The following SNTG2 variants were observed in gnomAD, a reference collection of about 807,000 sequenced individuals.
SNTG2 encodes the protein syntrophin gamma 2.
SNTG2 carries 74 observed loss-of-function variants against 70.9 expected under a neutral mutation model. The observed-to-expected ratio is 1.04, with a 90% confidence interval of 0.86 to 1.27. The LOEUF (loss-of-function observed/expected upper bound fraction) is 1.27. Ranked by LOEUF, SNTG2 falls within the 50% of genes most tolerant of loss-of-function variation. The pLI, the probability that SNTG2 is intolerant of heterozygous loss-of-function variation, is 0.00. For synonymous variants in SNTG2, 278 were observed against 273.8 expected (o/e 1.02, Z -0.15); for missense variants, 717 against 690.7 (o/e 1.04, Z -0.43).
At chr2:1,302,818 A>AT (rs1377798046) in intron 14 of SNTG2, among the ~76,000 whole-genome samples, 1 of 152,202 alleles carries the variant, frequency 6.6e-6, no homozygotes, top group Non-Finnish European at 1.5e-5. Flanking sequence ...TGTAACCTTG[A>AT]TCAAAGGAAA....
chr2:1,011,442 G>A (rs1304971739), intron 1 of SNTG2, among the ~76,000 whole-genome samples: 1 of 152,196 alleles, frequency 6.6e-6, no homozygotes, highest in African/African-American at 2.4e-5. Context: ...AATTTATTAA[G>A]TACAAATGTG....
chr2:1,177,958 G>C (rs971098347), intron 8 of SNTG2, among the ~76,000 whole-genome samples: 2 of 152,080 alleles, frequency 1.3e-5, no homozygotes, highest in African/African-American at 4.8e-5. Context: ...GTTGGAATTT[G>C]GGACAATAAA....
chr2:1,358,198 C>G (rs760728833), intron 16 of SNTG2, among the ~76,000 whole-genome samples: 4 of 152,096 alleles, frequency 2.6e-5, no homozygotes, highest in Non-Finnish European at 5.9e-5. Context: ...AGGTCTTACT[C>G]CAAGTATGAT....
intron 7 of SNTG2, among the ~76,000 whole-genome samples, chr2:1,169,593 G>T (rs1462905661): frequency 6.6e-6 from 1 of 152,140 alleles, no homozygotes; most frequent in African/African-American, 2.4e-5. Context: ...GAGCCTGTGG[G>T]GCCGGAGGCT....
intron 7 of SNTG2, among the ~76,000 whole-genome samples, chr2:1,169,156 C>G (rs28733081): frequency 6.6e-6 from 1 of 151,762 alleles, no homozygotes; most frequent in Non-Finnish European, 1.5e-5. Context: ...ACCATACAGG[C>G]TCACGAAGGA....
intron 1 of SNTG2, among the ~76,000 whole-genome samples, chr2:1,031,526 A>ATTTTTT (rs1660820699): frequency 1.1e-4 from 6 of 54,162 alleles, no homozygotes; most frequent in Non-Finnish European, 1.3e-4. Flanking sequence ...ATATATATAT[A>ATTTTTT]TATTTTTTTT....
chr2:1,358,379 T>C (rs1660963643), intron 16 of SNTG2, among the ~76,000 whole-genome samples: 1 of 73,300 alleles, frequency 1.4e-5, no homozygotes, highest in Non-Finnish European at 2.8e-5. Flanking sequence ...CTCCAATCTT[T>C]ATTTTTTTTT....
At position 1,222,127 on chromosome 2, in the gene SNTG2, C is replaced by CTCTGTCTCTGTCTCTCTCTGTCTCTCTG. The variant is rs1345883336; in HGVS notation, c.719+12900_719+12901insGTCTCTGTCTCTCTCTGTCTCTCTGTCT. On this transcript the variant is annotated intron_variant, in intron 9 of 16. Transcript: ENST00000308624. The stretch of plus-strand genomic sequence containing the variant: ...TCTGTCTCTCTCTGTCTCTCTCTGT[C>CTCTGTCTCTGTCTCTCTCTGTCTCTCTG]TCTCTCTGTCTCTCTCTGTCTCTGC... Among the ~76,000 whole-genome samples the CTCTGTCTCTGTCTCTCTCTGTCTCTCTG allele has an allele frequency of 6.9e-5, 8 of 115,410 alleles. 1 individual carries two copies. The East Asian group carries it at 2.0e-3, about 29-fold the overall frequency. The allele number at this position is 115,410 out of a possible 152,430, so 75.7% of individuals were successfully genotyped here.
intron 6 of SNTG2, among the ~76,000 whole-genome samples, chr2:1,150,190 G>A (rs1027971174): frequency 3.9e-5 from 6 of 152,166 alleles, no homozygotes; most frequent in African/African-American, 1.4e-4. Context: ...ATCCCTGGTG[G>A]AGGTCTGTGT....
intron 8 of SNTG2, among the ~76,000 whole-genome samples, chr2:1,190,188 G>T (rs546508596): frequency 5.7e-4 from 86 of 151,964 alleles, no homozygotes; most frequent in African/African-American, 1.6e-3. Context: ...ACAGGGGATT[G>T]GTTCTAGGAC....
intron 15 of SNTG2, among the ~76,000 whole-genome samples, chr2:1,311,926 G>A (rs763186179): frequency 3.3e-5 from 5 of 152,128 alleles, no homozygotes; most frequent in Non-Finnish European, 7.4e-5. Flanking sequence ...ACTCTTGCAA[G>A]GAAAGAGGTT....
chr2:1,064,187 G>A (rs1310349713), intron 1 of SNTG2, among the ~76,000 whole-genome samples: 2 of 145,858 alleles, frequency 1.4e-5, no homozygotes, highest in Non-Finnish European at 3.1e-5. Context: ...ATCTGTGAAA[G>A]TATTCTTCAA....
chr2:969,190 AT>A (rs1484049895), intron 1 of SNTG2, among the ~76,000 whole-genome samples: 3 of 151,846 alleles, frequency 2.0e-5, no homozygotes, highest in African/African-American at 7.3e-5. Flanking sequence ...GTGTGGCTTT[AT>A]TTCTGGGCTT....
intron 6 of SNTG2, among the ~76,000 whole-genome samples, chr2:1,152,864 C>T (rs998864436): frequency 7.9e-5 from 12 of 152,216 alleles, no homozygotes; most frequent in Middle Eastern, 3.4e-3. Context: ...TGGCTCATGC[C>T]TGTAATCCCA....
intron 9 of SNTG2, among the ~76,000 whole-genome samples, chr2:1,233,841 A>T (rs1408425970): frequency 6.6e-6 from 1 of 151,816 alleles, no homozygotes; most frequent in African/African-American, 2.4e-5. Flanking sequence ...GTGCCGACAC[A>T]GTCAGTGCTT....
chr2:1,095,114 G>T (rs970438816), intron 2 of SNTG2, among the ~76,000 whole-genome samples: 7 of 152,172 alleles, frequency 4.6e-5, no homozygotes, highest in Admixed American at 3.3e-4. Flanking sequence ...GAGAGAGAGC[G>T]CTGTATCTGC....
chr2:1,335,362 G>A (rs1268240443), intron 16 of SNTG2, among the ~76,000 whole-genome samples: 1 of 152,188 alleles, frequency 6.6e-6, no homozygotes, highest in African/African-American at 2.4e-5. Context: ...AGTGGCCTGA[G>A]CCGTCAGCAG....
At chr2:1,366,762 C>T (rs1268480690) in intron 16 of SNTG2, among the ~76,000 whole-genome samples, 1 of 152,236 alleles carries the variant, frequency 6.6e-6, no homozygotes, top group Non-Finnish European at 1.5e-5. Context: ...CGCACCCACA[C>T]AGCAGGCGCT....
intron 14 of SNTG2, among the ~76,000 whole-genome samples, chr2:1,286,862 C>T (rs1679785846): frequency 6.6e-6 from 1 of 152,228 alleles, no homozygotes; most frequent in African/African-American, 2.4e-5. Context: ...TTAACCATCA[C>T]ACTTGCTCTG....
Sources: allele counts gnomAD v4.1 joint callset (sites outside exome capture counted in the v4.1 genomes callset), GRCh38; gene constraint gnomAD v4.1.1; transcripts MANE v1.5; gene names NCBI Gene and HGNC (gene_info 2026-07-23, HGNC 2026-07-21).